Variants in TF observed in about 807,000 individuals in gnomAD.
TF encodes the protein serotransferrin.
TF carries 55 observed loss-of-function variants against 82.4 expected under a neutral mutation model. The ratio of observed to expected loss-of-function variants is 0.67; its 90% CI spans 0.54 to 0.84. The LOEUF is 0.84. TF is among the 40% of genes least tolerant of loss of function. The pLI is 0.00. For missense variants in TF, 737 were observed against 868.4 expected (o/e 0.85, Z 1.90); for synonymous variants, 332 against 332.6 (o/e 1.00, Z 0.02).
chr3:133,715,721 A>T, the TF span, among the ~76,000 whole-genome samples: 1 of 151,994 alleles, frequency 6.6e-6, no homozygotes. Context: ...GCCAACATGG[A>T]GTTGGTTTTA....
At chr3:133,722,811 C>T in the TF span, among the ~76,000 whole-genome samples, 1 of 152,200 alleles carries the variant, frequency 6.6e-6, no homozygotes, top group Non-Finnish European at 1.5e-5. Context: ...TTTTACATAG[C>T]ACCATTATAT....
chr3:133,707,136 A>G, the TF span, among the ~76,000 whole-genome samples: 9 of 151,716 alleles, frequency 5.9e-5, no homozygotes, highest in Non-Finnish European at 1.3e-4. Flanking sequence ...AGAGTGACTG[A>G]CTGTGATGGA....
the TF span, among the ~76,000 whole-genome samples, chr3:133,733,827 G>A: frequency 0.21 from 32,544 of 151,496 alleles, 3,677 homozygotes; most frequent in Middle Eastern, 0.3. Flanking sequence ...TCATTTCCCT[G>A]CCTTTCTCTT....
the TF span, among the ~76,000 whole-genome samples, chr3:133,718,542 G>A: frequency 3.3e-5 from 5 of 152,166 alleles, no homozygotes; most frequent in Non-Finnish European, 7.4e-5. Flanking sequence ...AGAAGTTTGT[G>A]GAAAGTGGGA....
rs28414235 is a variant in TF at position 133,765,592 on chromosome 3, A to G, written c.1330+685A>G. Reference sequence around the variant, plus strand: ...CCACTTCCACTGATTATAACCTCCCAGCCTCTCCCCATCACTTGGGGAGCT... The same window carrying G: ...CCACTTCCACTGATTATAACCTCCCGGCCTCTCCCCATCACTTGGGGAGCT... On this transcript the variant is annotated intron_variant, in intron 11 of 16. Coordinates refer to ENST00000402696, the MANE Select transcript of TF (RefSeq NM_001063.4). Among the ~76,000 whole-genome samples the G allele has an allele frequency of 4.6e-5, 7 of 152,324 alleles. No individual in the cohort carries two copies. In the South Asian group the frequency reaches 1.2e-3, roughly 27 times the overall value.
At chr3:133,720,591 A>C in the TF span, among the ~76,000 whole-genome samples, 2 of 152,138 alleles carry the variant, frequency 1.3e-5, no homozygotes, top group Non-Finnish European at 2.9e-5. Flanking sequence ...TTTTGGAATC[A>C]GGATAATTCT....
intron 14 of TF, chr3:133,775,145 T>C (rs1278205839): frequency 6.3e-6 from 3 of 479,376 alleles, no homozygotes; most frequent in Non-Finnish European, 1.1e-5. Flanking sequence ...TTTAGTGGAA[T>C]TGAAGATCTT....
chr3:133,775,248 G>A, intron 14 of TF, 185 bp from the exon 15 acceptor site: 2 of 660,214 alleles, frequency 3.0e-6, no homozygotes, highest in Non-Finnish European at 5.4e-6. Context: ...TGGTCACTGT[G>A]AGTCTGGCAT....
the TF span, among the ~76,000 whole-genome samples, chr3:133,666,946 C>G: frequency 0.14 from 21,885 of 151,624 alleles, 1,858 homozygotes; most frequent in Non-Finnish European, 0.2. Flanking sequence ...TGAGGCAGGA[C>G]AATGGCGTGA....
chr3:133,738,606 T>G, the TF span, among the ~76,000 whole-genome samples: 20 of 152,186 alleles, frequency 1.3e-4, no homozygotes, highest in African/African-American at 4.6e-4. Context: ...ATAAGCAACT[T>G]CAGCAAAGTC....
chr3:133,671,808 A>G, the TF span, among the ~76,000 whole-genome samples: 99 of 151,520 alleles, frequency 6.5e-4, no homozygotes, highest in Non-Finnish European at 1.1e-3. Context: ...AAAAAAAAAA[A>G]AAGAAGAAGA....
chr3:133,755,751 G>T (rs937601213), intron 5 of TF: 19 of 559,390 alleles, frequency 3.4e-5, no homozygotes, highest in Non-Finnish European at 6.4e-6. Flanking sequence ...AGCCTGGTCA[G>T]TGTCTCCTCT....
chr3:133,769,369 A>AT (rs1934204919), intron 13 of TF, among the ~76,000 whole-genome samples: 2 of 152,168 alleles, frequency 1.3e-5, no homozygotes, highest in African/African-American at 4.8e-5. Context: ...TCCCCTTTGC[A>AT]TTTTTGTACC....
At chr3:133,693,584 T>C in the TF span, among the ~76,000 whole-genome samples, 1 of 152,210 alleles carries the variant, frequency 6.6e-6, no homozygotes, top group Non-Finnish European at 1.5e-5. Flanking sequence ...TTGCCCTTTC[T>C]GGGAGTGATC....
the TF span, among the ~76,000 whole-genome samples, chr3:133,695,778 G>A: frequency 6.6e-6 from 1 of 152,160 alleles, no homozygotes. Context: ...GCACCTTGGG[G>A]CCATTACTAA....
chr3:133,741,839 T>C (rs1933400538), upstream of TF, among the ~76,000 whole-genome samples: 1 of 152,242 alleles, frequency 6.6e-6, no homozygotes, highest in Admixed American at 6.5e-5. Flanking sequence ...TGTAGAAATT[T>C]TGCATCTGAG....
the TF span, among the ~76,000 whole-genome samples, chr3:133,674,495 A>G: frequency 6.6e-6 from 1 of 152,216 alleles, no homozygotes; most frequent in South Asian, 2.1e-4. Context: ...GGCGAGGGCT[A>G]TCAGCCCTGG....
upstream of TF, among the ~76,000 whole-genome samples, chr3:133,743,777 G>A (rs1423038871): frequency 6.6e-6 from 1 of 152,118 alleles, no homozygotes; most frequent in Non-Finnish European, 1.5e-5. Flanking sequence ...GAGAGCACAG[G>A]TACAAGTGTC....
chr3:133,766,129 C>A, intron 11 of TF, 149 bp from the exon 12 acceptor site: 3 of 800,518 alleles, frequency 3.7e-6, no homozygotes, highest in Middle Eastern at 3.4e-4. Flanking sequence ...GTTCCTTGTA[C>A]TTCCCCTCAG....
Sources: gnomAD v4.1 joint callset for allele counts (sites outside exome capture counted in the v4.1 genomes callset) on GRCh38, gnomAD v4.1.1 for gene constraint, MANE v1.5 for transcripts, NCBI Gene and HGNC (gene_info 2026-07-23, HGNC 2026-07-21) for gene names.